DCC: variants seen among roughly 807,000 people sequenced by gnomAD.
The protein encoded by DCC is netrin receptor DCC.
DCC carries 58 observed loss-of-function variants against 172.5 expected under a neutral mutation model. That is an observed-to-expected ratio of 0.34 (90% CI 0.27 to 0.42). The LOEUF is 0.42. DCC is among the 10% of genes least tolerant of loss of function. The probability of loss-of-function intolerance (pLI) is 1.00; values close to 1 mark genes in which losing one functional copy is unlikely to be tolerated. For missense variants in DCC, 1,740 were observed against 1,791.0 expected, an observed-to-expected ratio of 0.97 and a Z score of 0.51; for synonymous variants, 709 against 644.5, an observed-to-expected ratio of 1.10 and a Z score of -1.52.
chr18:53,467,483 A>G (rs564014169), intron 24 of DCC, among the ~76,000 whole-genome samples: 24 of 152,168 alleles, frequency 1.6e-4, no homozygotes, highest in Non-Finnish European at 3.1e-4. Flanking sequence ...GAATTCTAGT[A>G]AATTAATATA....
chr18:52,476,100 C>T (rs763019840), intron 1 of DCC, among the ~76,000 whole-genome samples: 9 of 152,176 alleles, frequency 5.9e-5, no homozygotes, highest in Non-Finnish European at 1.3e-4. Flanking sequence ...CAAAAATCAG[C>T]TTCTTTACCT....
rs531631905 is a variant in DCC at position 53,268,947 on chromosome 18, C to T, written c.1912-36631C>T. 8.6e-5 allele frequency among the ~76,000 whole-genome samples: 13 copies of T among 151,912 alleles called. No individual in the cohort carries two copies. The East Asian group carries it at 2.3e-3, about 27-fold the overall frequency. On this transcript the variant is annotated intron_variant, in intron 12 of 28. Transcript: ENST00000442544. ...AATTGCTTTTTATAGAGTGTAGTCT[C>T]CAGGTCATTTACACTAGAAATGTGT...
chr18:53,024,359 T>C (rs993694399), intron 5 of DCC, among the ~76,000 whole-genome samples: 3 of 152,142 alleles, frequency 2.0e-5, no homozygotes, highest in Non-Finnish European at 4.4e-5. Context: ...ACTAAGGACT[T>C]TTGTTTGCCT....
At chr18:52,619,077 A>G (rs1168653422) in intron 1 of DCC, among the ~76,000 whole-genome samples, 1 of 152,126 alleles carries the variant, frequency 6.6e-6, no homozygotes, top group Non-Finnish European at 1.5e-5. Flanking sequence ...AGCTGGGATT[A>G]CGGGCATGCA....
chr18:53,426,131 G>T (rs1361418271), intron 21 of DCC, among the ~76,000 whole-genome samples: 1 of 150,934 alleles, frequency 6.6e-6, no homozygotes, highest in Admixed American at 6.6e-5. Flanking sequence ...TGCCTTTTCA[G>T]TTTTTGTCCA....
intron 7 of DCC, among the ~76,000 whole-genome samples, chr18:53,072,723 G>C (rs1240700866): frequency 6.6e-6 from 1 of 152,206 alleles, no homozygotes; most frequent in Non-Finnish European, 1.5e-5. Flanking sequence ...TGCTATTATA[G>C]ATATTTCCCA....
At chr18:52,410,208 G>A (rs1329144012) in intron 1 of DCC, among the ~76,000 whole-genome samples, 2 of 152,118 alleles carry the variant, frequency 1.3e-5, no homozygotes, top group African/African-American at 4.8e-5. Flanking sequence ...AGGATTGCAT[G>A]AGCCTAGAAG....
intron 28 of DCC, chr18:53,527,027 G>A (rs1028077640): frequency 2.1e-5 from 10 of 467,324 alleles, no homozygotes; most frequent in South Asian, 4.2e-5. Flanking sequence ...GCTACAGAAC[G>A]TGTGGTTTTA....
chr18:52,527,432 A>G (rs2032016041), intron 1 of DCC, among the ~76,000 whole-genome samples: 1 of 152,218 alleles, frequency 6.6e-6, no homozygotes, highest in Admixed American at 6.5e-5. Context: ...TTTATTGGTT[A>G]TGATTTATGG....
chr18:52,821,982 T>A (rs935574504), intron 2 of DCC, among the ~76,000 whole-genome samples: 1 of 152,214 alleles, frequency 6.6e-6, no homozygotes, highest in Non-Finnish European at 1.5e-5. Context: ...GTTTCTTACC[T>A]TTAGTCTGTC....
chr18:53,082,033 T>A (rs1242656569), intron 7 of DCC, among the ~76,000 whole-genome samples: 2 of 152,088 alleles, frequency 1.3e-5, no homozygotes, highest in Non-Finnish European at 2.9e-5. Context: ...TAAGAGTGCT[T>A]AATCTAAAAT....
intron 2 of DCC, among the ~76,000 whole-genome samples, chr18:52,830,254 C>A (rs367631100): frequency 5.9e-5 from 9 of 152,120 alleles, no homozygotes; most frequent in Admixed American, 5.9e-4. Flanking sequence ...CACAAACTCA[C>A]AAACTTTCTT....
At chr18:52,576,606 G>C (rs917588330) in intron 1 of DCC, among the ~76,000 whole-genome samples, 1 of 152,068 alleles carries the variant, frequency 6.6e-6, no homozygotes, top group African/African-American at 2.4e-5. Flanking sequence ...GAGGCGTGTG[G>C]ATCACGAGGT....
At chr18:52,974,242 G>A (rs1017804872) in intron 5 of DCC, among the ~76,000 whole-genome samples, 2 of 152,180 alleles carry the variant, frequency 1.3e-5, no homozygotes, top group African/African-American at 4.8e-5. Flanking sequence ...AGCATCTTCT[G>A]ATATTGTTCA....
chr18:52,600,635 G>A (rs1296199587), intron 1 of DCC, among the ~76,000 whole-genome samples: 1 of 152,008 alleles, frequency 6.6e-6, no homozygotes, highest in Non-Finnish European at 1.5e-5. Flanking sequence ...GATAATCTTT[G>A]CATTTATTAC....
intron 7 of DCC, among the ~76,000 whole-genome samples, chr18:53,122,285 G>A (rs1598823748): frequency 1.3e-5 from 2 of 152,062 alleles, no homozygotes; most frequent in South Asian, 4.1e-4. Context: ...AATAAAAATA[G>A]TTTTAACCAT....
At chr18:52,807,179 G>A (rs1054568862) in intron 2 of DCC, among the ~76,000 whole-genome samples, 18 of 152,182 alleles carry the variant, frequency 1.2e-4, no homozygotes, top group African/African-American at 3.9e-4. Context: ...TGGTGACAGA[G>A]CGAGACTGTC....
intron 2 of DCC, among the ~76,000 whole-genome samples, chr18:52,826,260 G>A (rs7233856): frequency 0.21 from 32,074 of 152,096 alleles, 3,487 homozygotes; most frequent in African/African-American, 0.23. Context: ...ATTGAAGTGA[G>A]AATGGCATTT....
intron 2 of DCC, among the ~76,000 whole-genome samples, chr18:52,904,396 G>A (rs1598914987): frequency 6.6e-6 from 1 of 152,260 alleles, no homozygotes; most frequent in East Asian, 1.9e-4. Flanking sequence ...CCCTAAAAGA[G>A]ACGTAAAATT....
Sources: allele counts gnomAD v4.1 joint callset (sites outside exome capture counted in the v4.1 genomes callset), GRCh38; gene constraint gnomAD v4.1.1; transcripts MANE v1.5; gene names NCBI Gene and HGNC (gene_info 2026-07-23, HGNC 2026-07-21).